ZFAT: variants seen among roughly 807,000 people sequenced by gnomAD.
ZFAT encodes zinc finger protein ZFAT.
Under a neutral mutation model 117.7 loss-of-function variants are expected in ZFAT, and 64 were observed. The observed-to-expected ratio is 0.54, with a 90% CI of 0.44 to 0.67. ZFAT has a LOEUF of 0.67. Ranked by LOEUF, ZFAT falls within the 30% of genes least tolerant of loss-of-function variation. The pLI, the probability that ZFAT is intolerant of heterozygous loss-of-function variation, is 0.00. For synonymous variants in ZFAT, 679 were observed against 615.0 expected, an observed-to-expected ratio of 1.10 and a Z score of -1.54; for missense variants, 1,433 against 1,584.5, an observed-to-expected ratio of 0.90 and a Z score of 1.62.
At chr8:134,549,442 G>GAAAAAA (rs34384490) in intron 11 of ZFAT, among the ~76,000 whole-genome samples, 1 of 119,398 alleles carries the variant, frequency 8.4e-6, no homozygotes, top group African/African-American at 3.2e-5. Flanking sequence ...CTCCGTCTCA[G>GAAAAAA]AAAAAAAAAA....
At chr8:134,522,535 C>T (rs1311504194) in intron 12 of ZFAT, among the ~76,000 whole-genome samples, 2 of 152,190 alleles carry the variant, frequency 1.3e-5, no homozygotes, top group African/African-American at 2.4e-5. Flanking sequence ...TTTCTCTCAG[C>T]CTACCCCTAA....
chr8:134,580,796 A>T (rs901061935), intron 10 of ZFAT, among the ~76,000 whole-genome samples: 7 of 152,238 alleles, frequency 4.6e-5, no homozygotes, highest in African/African-American at 1.7e-4. Context: ...GATTCCAACC[A>T]CATACCATAC....
chr8:134,544,404 TAAC>T (rs1318257442), intron 11 of ZFAT, among the ~76,000 whole-genome samples: 3 of 151,752 alleles, frequency 2.0e-5, no homozygotes, highest in African/African-American at 7.3e-5. Flanking sequence ...CAAACCCTCC[TAAC>T]AACAACAACA....
the ZFAT span, among the ~76,000 whole-genome samples, chr8:134,761,982 A>C: frequency 6.8e-6 from 1 of 147,242 alleles, no homozygotes; most frequent in African/African-American, 2.5e-5. Context: ...TTCTCTCTGT[A>C]TGTGTGTGTG....
Position 134,601,839 on chromosome 8 carries a change from T to A in ZFAT, c.1880A>T (p.Gln627Leu), listed in dbSNP as rs1365334131. 6.2e-6 allele frequency: 10 copies of A among 1,612,856 alleles called. No individual in the cohort carries two copies. Among genetic ancestry groups the A allele is most frequent in the Non-Finnish European group, 8.5e-6 (10 of 1,179,294 alleles). The change falls in exon 6 of 16, where the codon CAA (glutamine) becomes CTA (leucine). Residue 627 changes from glutamine (Q) to leucine (L), a missense_variant. Physicochemically the swap from Gln to Leu is moderately radical, Grantham distance 113. This residue lies in a region of ZFAT where 372 missense variants were observed against 355.6 expected (regional missense o/e 1.05). Transcript: ENST00000377838. ...DMQHRSSVQT[Q>L]GEVITLLLSK... ...CAGCAGTAGTGTGATCACTTCACCTTGCGTCTGGACTGAGCTTCTGTGCTG... is the reference window on the plus strand; with the variant it reads ...CAGCAGTAGTGTGATCACTTCACCTAGCGTCTGGACTGAGCTTCTGTGCTG...
At chr8:134,727,647 C>T in the ZFAT span, among the ~76,000 whole-genome samples, 6 of 152,000 alleles carry the variant, frequency 3.9e-5, no homozygotes, top group South Asian at 2.1e-4. Flanking sequence ...TGAGAAGTCA[C>T]GAGATGAGAA....
chr8:134,670,778 C>T (rs1832521637), intron 1 of ZFAT, among the ~76,000 whole-genome samples: 1 of 152,158 alleles, frequency 6.6e-6, no homozygotes, highest in Non-Finnish European at 1.5e-5. Flanking sequence ...GAGATAGAAA[C>T]ACAAAAAAAC....
chr8:134,655,711 A>G (rs550152150), intron 2 of ZFAT, among the ~76,000 whole-genome samples: 1 of 152,356 alleles, frequency 6.6e-6, no homozygotes, highest in African/African-American at 2.4e-5. Context: ...TTTAGAAAGA[A>G]GAGAATCTTA....
intron 3 of ZFAT, among the ~76,000 whole-genome samples, chr8:134,610,865 A>G (rs972228642): frequency 6.6e-6 from 1 of 152,210 alleles, no homozygotes; most frequent in Non-Finnish European, 1.5e-5. Context: ...GCCACAGGCC[A>G]TCACCTAGGC....
At chr8:134,766,185 A>C in the ZFAT span, 5 of 152,232 alleles carry the variant, frequency 3.3e-5, no homozygotes, top group Non-Finnish European at 5.9e-5. Flanking sequence ...TGAGACCAAA[A>C]GAGTTGGGAA....
At chr8:134,565,139 G>A (rs1447472077) in intron 11 of ZFAT, 194 bp downstream of exon 11, 2 of 1,525,102 alleles carry the variant, frequency 1.3e-6, no homozygotes, top group African/African-American at 1.4e-5. Flanking sequence ...AAATTACAGA[G>A]CAATGCTACG....
At chr8:134,489,078 A>T (rs1410677567) in intron 15 of ZFAT, among the ~76,000 whole-genome samples, 1 of 151,772 alleles carries the variant, frequency 6.6e-6, no homozygotes, top group East Asian at 1.9e-4. Flanking sequence ...CAGATCATGA[A>T]GGATCTTATA....
the ZFAT span, among the ~76,000 whole-genome samples, chr8:134,777,475 G>A: frequency 5.3e-5 from 8 of 152,272 alleles, no homozygotes; most frequent in Admixed American, 3.9e-4. Context: ...CTGTGTGGAT[G>A]GGAACATTGC....
the ZFAT span, chr8:134,798,303 ATTATG>A: frequency 1.9e-3 from 291 of 152,220 alleles, 2 homozygotes; most frequent in African/African-American, 6.6e-3. Context: ...CCAATTTTAC[ATTATG>A]TTATCTATTA....
rs1411422949 is a variant in ZFAT at position 134,653,475 on chromosome 8, G to A, written c.196+4086C>T. 2.2e-5 allele frequency among the ~76,000 whole-genome samples: 3 copies of A among 137,654 alleles called. No individual in the cohort carries two copies. In the Admixed American group the frequency reaches 2.4e-4, roughly 11 times the overall value. 90.3% of individuals were successfully genotyped at this position (137,654 alleles called of 152,430 possible). A position where few individuals can be genotyped will look rare whatever the true frequency, so the allele number is the denominator to read the frequency against. ...AGACAGAGTCCCATTATGTTGCACA[G>A]GCTGGTCTCAAACTCCTGGGCTCAA... On this transcript the variant is annotated intron_variant, in intron 2 of 15. Coordinates refer to ENST00000377838, the MANE Select transcript of ZFAT (RefSeq NM_020863.4).
chr8:134,569,004 C>T (rs539717076), intron 10 of ZFAT, among the ~76,000 whole-genome samples: 1 of 152,234 alleles, frequency 6.6e-6, no homozygotes, highest in South Asian at 2.1e-4. Context: ...TACGTGGATG[C>T]GAATCTCCCA....
chr8:134,819,842 T>C, the ZFAT span, among the ~76,000 whole-genome samples: 293 of 152,282 alleles, frequency 1.9e-3, 3 homozygotes, highest in African/African-American at 6.7e-3. Flanking sequence ...TGGCCATGTA[T>C]GTATTCCTTA....
intron 12 of ZFAT, among the ~76,000 whole-genome samples, chr8:134,523,536 C>T (rs1820813041): frequency 6.6e-6 from 1 of 152,220 alleles, no homozygotes; most frequent in Non-Finnish European, 1.5e-5. Flanking sequence ...TGTTGGTCCA[C>T]TTCCCACCCA....
At chr8:134,680,396 AAAG>A (rs1474989089) in intron 1 of ZFAT, among the ~76,000 whole-genome samples, 2 of 152,196 alleles carry the variant, frequency 1.3e-5, no homozygotes, top group African/African-American at 4.8e-5. Flanking sequence ...ATTGTAATAA[AAAG>A]AAACTTTGTG....
Sources: allele counts gnomAD v4.1 joint callset (sites outside exome capture counted in the v4.1 genomes callset), GRCh38; gene constraint gnomAD v4.1.1; regional missense constraint gnomAD v4.1.1; transcripts MANE v1.5; gene names NCBI Gene and HGNC (gene_info 2026-07-23, HGNC 2026-07-21).